The following KTN1 variants were observed in gnomAD, a reference collection of about 807,000 sequenced individuals.
KTN1 encodes kinectin 1.
KTN1 carries 130 observed loss-of-function variants against 222.5 expected under a neutral mutation model. That is an observed-to-expected ratio of 0.58 (90% CI 0.51 to 0.68). The LOEUF (loss-of-function observed/expected upper bound fraction) is 0.68. KTN1 is among the 30% of genes least tolerant of loss of function. KTN1 has a pLI of 0.00. For synonymous variants in KTN1, 512 were observed against 496.3 expected (o/e 1.03, Z -0.42); for missense variants, 1,508 against 1,500.4 (o/e 1.01, Z -0.08).
chr14:55,627,018 G>T (rs1317632220), intron 5 of KTN1, among the ~76,000 whole-genome samples: 2 of 152,078 alleles, frequency 1.3e-5, no homozygotes, highest in Non-Finnish European at 2.9e-5. Flanking sequence ...CACATCTATG[G>T]CACCTCTGTA....
chr14:55,652,058 C>T, intron 25 of KTN1, 131 bp downstream of exon 25: 1 of 609,778 alleles, frequency 1.6e-6, no homozygotes, highest in Non-Finnish European at 2.8e-6. Context: ...TATCTCAAAA[C>T]TCCTAAGGGC....
intron 18 of KTN1, 54 bp downstream of exon 18, chr14:55,641,814 G>A (rs950425855): frequency 9.0e-7 from 1 of 1,108,190 alleles, no homozygotes; most frequent in Non-Finnish European, 1.4e-6. Flanking sequence ...AACAAGATCT[G>A]GTTCTTCTTA....
intron 1 of KTN1, among the ~76,000 whole-genome samples, chr14:55,594,607 T>C (rs1449134979): frequency 6.6e-6 from 1 of 151,908 alleles, no homozygotes; most frequent in Non-Finnish European, 1.5e-5. Context: ...ATGTTTTGAA[T>C]TCATTCTTGA....
chr14:55,597,032 A>G (rs1230768328), intron 1 of KTN1, among the ~76,000 whole-genome samples: 1 of 152,122 alleles, frequency 6.6e-6, no homozygotes, highest in East Asian at 1.9e-4. Flanking sequence ...AAATAGGATT[A>G]GTATATACTG....
In KTN1 at chr14:55,678,330, T is replaced by C. The variant is rs371543630; in HGVS notation, c.3856-22T>C. ...TTTATCAACTGTATTACTTAGTAGC[T>C]ACCATATTGTTTTCCTTATAGGCTC... is the stretch of plus-strand genomic sequence containing the variant. On this transcript the variant is annotated intron_variant, in intron 41 of 43. Transcript: ENST00000395314. The C allele has an allele frequency of 5.5e-4, 748 of 1,370,938 alleles. 10 individuals carry two copies. In the South Asian group the frequency reaches 8.1e-3, roughly 15 times the overall value. 84.9% of individuals were successfully genotyped at this position (1,370,938 alleles called of 1,614,324 possible). A position where few individuals can be genotyped will look rare whatever the true frequency, so the allele number is the denominator to read the frequency against.
chr14:55,655,201 T>A (rs1007258686), intron 28 of KTN1, among the ~76,000 whole-genome samples: 4 of 152,066 alleles, frequency 2.6e-5, no homozygotes, highest in Admixed American at 1.3e-4. Flanking sequence ...CTGGTCTTGA[T>A]CTCCTGGGCT....
intron 13 of KTN1, 97 bp downstream of exon 13, chr14:55,639,319 C>T: frequency 1.3e-6 from 1 of 757,030 alleles, no homozygotes; most frequent in Non-Finnish European, 2.2e-6. Flanking sequence ...CCTCTGACGA[C>T]CTGTTCAGAA....
intron 33 of KTN1, among the ~76,000 whole-genome samples, chr14:55,666,551 A>G (rs982342041): frequency 4.0e-5 from 6 of 151,892 alleles, no homozygotes; most frequent in Admixed American, 3.3e-4. Context: ...CTTGGATTTA[A>G]TATCAGCACA....
intron 1 of KTN1, among the ~76,000 whole-genome samples, chr14:55,598,460 G>T (rs574762772): frequency 1.3e-5 from 2 of 150,852 alleles, no homozygotes; most frequent in East Asian, 3.9e-4. Context: ...AAGAATATTG[G>T]TTCCTCAATC....
At chr14:55,664,940 A>G (rs530298726) in intron 33 of KTN1, among the ~76,000 whole-genome samples, 31 of 152,178 alleles carry the variant, frequency 2.0e-4, no homozygotes, top group African/African-American at 6.5e-4. Flanking sequence ...AATCTTTAAT[A>G]TAAGTCTTAG....
At chr14:55,604,910 G>A (rs1353850389) in intron 1 of KTN1, among the ~76,000 whole-genome samples, 1 of 152,202 alleles carries the variant, frequency 6.6e-6, no homozygotes, top group African/African-American at 2.4e-5. Context: ...TTGGTTGCCT[G>A]ATTTAGAATC....
rs929127969 is a variant in KTN1 at position 55,590,518 on chromosome 14, C to G, written c.-31+10164C>G. Among the ~76,000 whole-genome samples the G allele has an allele frequency of 7.9e-5, 12 of 152,262 alleles. 1 individual carries two copies. Among genetic ancestry groups the G allele is most frequent in the African/African-American group, 2.9e-4 (12 of 41,560 alleles). On this transcript the variant is annotated intron_variant, in intron 1 of 43. Transcript: ENST00000395314. ...ATTTCTTTATGTCCCTTCCCACACT[C>G]TAACCACTACCTTTCTTACCTTTGC...
At chr14:55,628,125 A>G in intron 6 of KTN1, 97 bp downstream of exon 6, 1 of 723,340 alleles carries the variant, frequency 1.4e-6, no homozygotes, top group Non-Finnish European at 2.3e-6. Context: ...ATTATTTGTA[A>G]TTTATGTCCA....
chr14:55,644,471 G>C (rs372998933), intron 18 of KTN1: 1 of 694,162 alleles, frequency 1.4e-6, no homozygotes, highest in East Asian at 2.7e-5. Flanking sequence ...TACCCTAAAG[G>C]AGGGAAGGCT....
At chr14:55,651,368 G>T (rs1305415948) in intron 24 of KTN1, 1 of 455,840 alleles carries the variant, frequency 2.2e-6, no homozygotes, top group Non-Finnish European at 4.4e-6. Context: ...GAGAGTGGAG[G>T]ATAAAAGGTA....
At chr14:55,604,246 AGGT>A (rs920448679) in intron 1 of KTN1, among the ~76,000 whole-genome samples, 6 of 152,186 alleles carry the variant, frequency 3.9e-5, no homozygotes, top group Non-Finnish European at 7.3e-5. Flanking sequence ...CATATATAGC[AGGT>A]ATGTTACTGT....
At chr14:55,663,742 A>G (rs1218330135) in intron 32 of KTN1, 2 of 478,818 alleles carry the variant, frequency 4.2e-6, no homozygotes, top group Non-Finnish European at 7.4e-6. Context: ...CCTATTTGAT[A>G]TATATACTAA....
intron 10 of KTN1, among the ~76,000 whole-genome samples, chr14:55,636,764 A>C (rs573433683): frequency 6.6e-6 from 1 of 152,166 alleles, no homozygotes; most frequent in South Asian, 2.1e-4. Context: ...ATTATAGTAC[A>C]TGATAGGTTA....
intron 31 of KTN1, among the ~76,000 whole-genome samples, chr14:55,660,323 C>T (rs1042904913): frequency 6.6e-6 from 1 of 150,880 alleles, no homozygotes; most frequent in Non-Finnish European, 1.5e-5. Context: ...CACCATTGCA[C>T]TCCAGCCTGG....
Sources: allele counts gnomAD v4.1 joint callset (sites outside exome capture counted in the v4.1 genomes callset), GRCh38; gene constraint gnomAD v4.1.1; transcripts MANE v1.5; gene names NCBI Gene and HGNC (gene_info 2026-07-23, HGNC 2026-07-21).